Variants in ARIH2 observed in about 807,000 individuals in gnomAD.
ARIH2 encodes the protein ariadne RBR E3 ubiquitin protein ligase 2.
Under a neutral mutation model 79.8 loss-of-function variants are expected in ARIH2, and 12 were observed. The observed-to-expected ratio is 0.15, with a 90% CI of 0.10 to 0.24. ARIH2 has a LOEUF of 0.24. Among genes scored for constraint, ARIH2 ranks in the 10% least tolerant of loss-of-function variants. ARIH2 has a pLI of 1.00. For synonymous variants in ARIH2, 224 were observed against 213.9 expected, an observed-to-expected ratio of 1.05 and a Z score of -0.41; for missense variants, 301 against 618.3, an observed-to-expected ratio of 0.49 and a Z score of 5.44.
intron 3 of ARIH2, among the ~76,000 whole-genome samples, chr3:48,937,444 C>T (rs781342816): frequency 2.0e-5 from 3 of 152,152 alleles, no homozygotes; most frequent in Non-Finnish European, 4.4e-5. Flanking sequence ...GTCTGTCACT[C>T]TTGCCTCTGT....
intron 3 of ARIH2, among the ~76,000 whole-genome samples, chr3:48,940,348 T>C (rs1404876946): frequency 6.6e-6 from 1 of 151,708 alleles, no homozygotes; most frequent in African/African-American, 2.4e-5. Context: ...ATAGATAGAT[T>C]GATTTTAAAA....
intron 12 of ARIH2, 143 bp downstream of exon 12, chr3:48,979,776 T>C: frequency 1.2e-6 from 1 of 849,516 alleles, no homozygotes; most frequent in Non-Finnish European, 1.8e-6. Flanking sequence ...TCCCTGGTGC[T>C]GCCTCTATAG....
rs1457507085 is a variant in ARIH2, at chr3:48,982,072, CTTGT to C, written c.1326+347_1326+350del. On this transcript the variant is annotated intron_variant, in intron 14 of 15. Transcript: ENST00000356401. ...TAAGATATATTTGACTGTTTTATAC[CTTGT>C]TTAATTCTTCATCTTAGAGTTGAAT... is the stretch of plus-strand genomic sequence containing the variant. 4.6e-5 allele frequency among the ~76,000 whole-genome samples: 7 copies of C among 152,224 alleles called. No individual in the cohort carries two copies. The East Asian group carries it at 1.3e-3, about 29-fold the overall frequency.
intron 3 of ARIH2, chr3:48,934,748 A>G (rs1260065484): frequency 2.0e-6 from 2 of 985,340 alleles, no homozygotes; most frequent in East Asian, 2.3e-4. Context: ...CTAAATACAA[A>G]TGGTGCAAAG....
Position 48,927,649 on chromosome 3 carries a change from G to C in ARIH2, c.91G>C (p.Asp31His), listed in dbSNP as rs772777170. ...CEEEEEEEED[D>H]PGDIEDYYVG... is the part of the protein sequence containing the mutation. ...GGAAGAGGAAGAAGAAGAAGAAGAC[G>C]ACCCTGGGGACATAGAGGACTATTA... The change falls in exon 3 of 16, where the codon GAC (aspartate) becomes CAC (histidine). Residue 31 changes from aspartate (D) to histidine (H), a missense_variant. Asp to His is a moderately conservative substitution (Grantham distance 81). This residue lies in a region of ARIH2 where 223 missense variants were observed against 349.4 expected (regional missense o/e 0.64). Coordinates refer to ENST00000356401, the MANE Select transcript of ARIH2 (RefSeq NM_006321.4). 1 of 1,613,708 alleles carries C rather than the reference G, an allele frequency of 6.2e-7. No homozygotes were observed. Among genetic ancestry groups the C allele is most frequent in the Non-Finnish European group, 8.5e-7 (1 of 1,179,886 alleles).
At chr3:48,983,094 A>C (rs1245737382) in intron 15 of ARIH2, 105 bp from the exon 16 acceptor site, 1 of 1,501,792 alleles carries the variant, frequency 6.7e-7, no homozygotes, top group East Asian at 2.3e-5. Context: ...TGGGAAGGGC[A>C]GTGTTTTTGA....
At chr3:48,979,166 G>A (rs2092663619) in intron 11 of ARIH2, among the ~76,000 whole-genome samples, 1 of 152,158 alleles carries the variant, frequency 6.6e-6, no homozygotes, top group Non-Finnish European at 1.5e-5. Context: ...CCTTCTTATA[G>A]TGGCATTGAC....
At chr3:48,949,903 G>T (rs1312436550) in intron 3 of ARIH2, among the ~76,000 whole-genome samples, 1 of 150,904 alleles carries the variant, frequency 6.6e-6, no homozygotes, top group Non-Finnish European at 1.5e-5. Flanking sequence ...AAGAGTAAAA[G>T]CTTAATTTTG....
chr3:48,946,919 C>T (rs946554379), intron 3 of ARIH2, among the ~76,000 whole-genome samples: 2 of 152,168 alleles, frequency 1.3e-5, no homozygotes, highest in Non-Finnish European at 2.9e-5. Context: ...CTACCTTGCT[C>T]ATACACTTTC....
chr3:48,932,592 T>G (rs1330654397), intron 3 of ARIH2, among the ~76,000 whole-genome samples: 2 of 152,204 alleles, frequency 1.3e-5, no homozygotes, highest in African/African-American at 4.8e-5. Context: ...CTTGAGATAT[T>G]TGCTGACAAG....
chr3:48,969,819 G>A (rs966454567), intron 7 of ARIH2, among the ~76,000 whole-genome samples: 4 of 151,506 alleles, frequency 2.6e-5, no homozygotes, highest in Non-Finnish European at 4.4e-5. Context: ...TGCACATGCC[G>A]CAGGATAAAC....
At chr3:48,946,739 A>G (rs1365721044) in intron 3 of ARIH2, among the ~76,000 whole-genome samples, 1 of 152,064 alleles carries the variant, frequency 6.6e-6, no homozygotes, top group African/African-American at 2.4e-5. Context: ...AGTAGCGTCT[A>G]ACCCATTGTG....
At chr3:48,933,696 C>T (rs1026099308) in intron 3 of ARIH2, among the ~76,000 whole-genome samples, 5 of 151,532 alleles carry the variant, frequency 3.3e-5, no homozygotes, top group Non-Finnish European at 5.9e-5. Context: ...ACTACAGGTG[C>T]CCGCCACCAC....
chr3:48,970,493 C>A, intron 7 of ARIH2, 102 bp from the exon 8 acceptor site: 1 of 770,508 alleles, frequency 1.3e-6, no homozygotes. Context: ...TCGTATAAGT[C>A]ATCAGCTGGG....
chr3:48,934,409 T>C (rs2086831089), intron 3 of ARIH2: 1 of 982,660 alleles, frequency 1.0e-6, no homozygotes, highest in South Asian at 4.7e-5. Flanking sequence ...CAGTCATTAA[T>C]TGACCAATAA....
At chr3:48,953,288 G>A (rs2090174313) in intron 3 of ARIH2, among the ~76,000 whole-genome samples, 1 of 152,104 alleles carries the variant, frequency 6.6e-6, no homozygotes, top group African/African-American at 2.4e-5. Flanking sequence ...CAAATTATGA[G>A]CCAAACTGAA....
intron 14 of ARIH2, 70 bp from the exon 15 acceptor site, chr3:48,982,826 A>G (rs894121297): frequency 8.8e-7 from 1 of 1,132,292 alleles, no homozygotes; most frequent in African/African-American, 1.5e-5. Context: ...GCATGTGCCC[A>G]CCCCCGTGTA....
intron 9 of ARIH2, among the ~76,000 whole-genome samples, chr3:48,974,059 G>A (rs1204307169): frequency 2.0e-5 from 3 of 152,176 alleles, no homozygotes; most frequent in Non-Finnish European, 2.9e-5. Context: ...GACCCAAAGG[G>A]GGAGCTAATT....
chr3:48,979,845 G>C (rs2107688556), intron 12 of ARIH2: 2 of 455,370 alleles, frequency 4.4e-6, no homozygotes, highest in Non-Finnish European at 7.6e-6. Context: ...ACCTGGTACT[G>C]ACCTTGGTTG....
Sources: gnomAD v4.1 joint callset for allele counts (sites outside exome capture counted in the v4.1 genomes callset) on GRCh38, gnomAD v4.1.1 for gene constraint, gnomAD v4.1.1 regional missense constraint, MANE v1.5 for transcripts, NCBI Gene and HGNC (gene_info 2026-07-23, HGNC 2026-07-21) for gene names.